CFTR: variants seen among roughly 807,000 people sequenced by gnomAD.
The protein encoded by CFTR is cystic fibrosis transmembrane conductance regulator.
CFTR carries 181 observed loss-of-function variants against 171.6 expected under a neutral mutation model. That is an observed-to-expected ratio of 1.05 (90% CI 0.93 to 1.19). The LOEUF (loss-of-function observed/expected upper bound fraction) is 1.19, where lower values mean the gene tolerates loss of function less well. Among genes scored for constraint, CFTR ranks in the 50% most tolerant of loss-of-function variants. CFTR has a pLI of 0.00. For missense variants in CFTR, 1,968 were observed against 1,734.7 expected (o/e 1.13, Z -2.39); for synonymous variants, 583 against 608.0 (o/e 0.96, Z 0.60).
At chr7:117,482,465 C>A (rs988997024) in intron 1 of CFTR, among the ~76,000 whole-genome samples, 5 of 152,032 alleles carry the variant, frequency 3.3e-5, no homozygotes, top group African/African-American at 1.2e-4. Flanking sequence ...TCTGAACTAT[C>A]ATAATCCATA....
At chr7:117,530,342 G>A (rs1798838596) in intron 3 of CFTR, among the ~76,000 whole-genome samples, 1 of 152,134 alleles carries the variant, frequency 6.6e-6, no homozygotes, top group African/African-American at 2.4e-5. Flanking sequence ...TTGTGTAGTT[G>A]CCTTGAGAAG....
rs1432359157 is a variant in CFTR, at chr7:117,667,021, C to T, written c.4356C>T (p.His1452=). 2 of 1,613,912 alleles carry T rather than the reference C, an allele frequency of 1.2e-6. No homozygotes were observed. Among genetic ancestry groups the T allele is most frequent in the African/African-American group, 1.3e-5 (1 of 74,902 alleles). ...SPSDRVKLFP[H]RNSSKCKSKP... Reference sequence around the variant, plus strand: ...CCGACAGGGTGAAGCTCTTTCCCCACCGGAACTCAAGCAAGTGCAAGTCTA... The same window carrying T: ...CCGACAGGGTGAAGCTCTTTCCCCATCGGAACTCAAGCAAGTGCAAGTCTA... The change falls in exon 27 of 27, where the codon CAC becomes CAT. Residue 1452 remains histidine, a synonymous_variant. Transcript: ENST00000003084.
At chr7:117,612,234 T>TACACACACACACACACACAC (rs112904263) in intron 20 of CFTR, among the ~76,000 whole-genome samples, 73 of 140,934 alleles carry the variant, frequency 5.2e-4, no homozygotes, top group African/African-American at 1.9e-3. Flanking sequence ...CATCCGCATT[T>TACACACACACACACACACAC]ACACACACAC....
In CFTR at chr7:117,540,284, C is replaced by G; in HGVS notation, c.1054C>G (p.Arg352Gly). Residue 352 changes from arginine (R) to glycine (G), a missense_variant, in exon 8 of 27, where the codon CGG becomes GGG. Physicochemically the swap from Arg to Gly is moderately radical, Grantham distance 125. Transcript: ENST00000003084. ...FCIVLRMAVT[R>G]QFPWAVQTWY... ...CATTGTTCTGCGCATGGCGGTCACT[C>G]GGCAATTTCCCTGGGCTGTACAAAC... 1 of 1,613,830 alleles carries G rather than the reference C, an allele frequency of 6.2e-7. No homozygotes were observed. The highest frequency in any genetic ancestry group is 8.5e-7 in the Non-Finnish European group (1 of 1,179,806).
At chr7:117,612,029 A>ATATATATATATATATG (rs1792404945) in intron 20 of CFTR, among the ~76,000 whole-genome samples, 1 of 73,996 alleles carries the variant, frequency 1.4e-5, no homozygotes, top group African/African-American at 5.8e-5. Flanking sequence ...ATATGTATAT[A>ATATATATATATATATG]TATATATATA....
chr7:117,550,342 A>C (rs575166534), intron 10 of CFTR, among the ~76,000 whole-genome samples: 3 of 152,122 alleles, frequency 2.0e-5, no homozygotes, highest in African/African-American at 7.2e-5. Flanking sequence ...AAAAAAAAAA[A>C]ATTGGTGTTT....
At chr7:117,650,205 G>A (rs1417518488) in intron 23 of CFTR, among the ~76,000 whole-genome samples, 2 of 152,142 alleles carry the variant, frequency 1.3e-5, no homozygotes, top group South Asian at 2.1e-4. Flanking sequence ...TGCTGAATGC[G>A]AATGGATGGG....
chr7:117,495,239 T>C (rs192561615), intron 1 of CFTR, among the ~76,000 whole-genome samples: 2 of 152,258 alleles, frequency 1.3e-5, no homozygotes, highest in African/African-American at 2.4e-5. Flanking sequence ...CCAGCTACAG[T>C]TTTGTGGCTC....
At position 117,583,321 on chromosome 7, in the gene CFTR, C is replaced by T. The variant is rs538696390; in HGVS notation, c.1585-4418C>T. On this transcript the variant is annotated intron_variant, in intron 11 of 26. Coordinates refer to ENST00000003084, the MANE Select transcript of CFTR (RefSeq NM_000492.4). ...CCAATATGTAGTCTTTTATCCCCCC[C>T]CCGCTCCACCCTTCCTTTATCGTCC... Among the ~76,000 whole-genome samples, 381 of 152,098 alleles carry T rather than the reference C, an allele frequency of 2.5e-3. 3 individuals are homozygous for T. Among genetic ancestry groups the T allele is most frequent in the African/African-American group, 8.4e-3 (350 of 41,508 alleles).
At chr7:117,659,711 A>T (rs1419130880) in intron 24 of CFTR, among the ~76,000 whole-genome samples, 1 of 152,214 alleles carries the variant, frequency 6.6e-6, no homozygotes, top group Non-Finnish European at 1.5e-5. Flanking sequence ...TTCAATACTT[A>T]TAAAATAGTT....
chr7:117,568,689 T>C (rs973798742), intron 11 of CFTR, among the ~76,000 whole-genome samples: 1 of 152,226 alleles, frequency 6.6e-6, no homozygotes, highest in Non-Finnish European at 1.5e-5. Context: ...GTGAAATGAC[T>C]GCCATAGTCA....
intron 10 of CFTR, among the ~76,000 whole-genome samples, chr7:117,558,633 A>G (rs1479887056): frequency 6.6e-6 from 1 of 151,948 alleles, no homozygotes; most frequent in Non-Finnish European, 1.5e-5. Context: ...CCTTCTACTC[A>G]GTTTTAGTCA....
chr7:117,658,751 G>A (rs1018818173), intron 24 of CFTR, among the ~76,000 whole-genome samples: 3 of 151,996 alleles, frequency 2.0e-5, no homozygotes, highest in Non-Finnish European at 4.4e-5. Flanking sequence ...CTGTCCCTGG[G>A]GAGTATCTGA....
At chr7:117,559,113 T>C (rs140834957) in intron 10 of CFTR, among the ~76,000 whole-genome samples, 5 of 152,346 alleles carry the variant, frequency 3.3e-5, no homozygotes, top group African/African-American at 4.8e-5. Context: ...TTAAAGCACA[T>C]AGAACAGCAC....
chr7:117,601,190 T>G (rs1206058053), intron 15 of CFTR, among the ~76,000 whole-genome samples: 2 of 152,098 alleles, frequency 1.3e-5, no homozygotes, highest in Non-Finnish European at 2.9e-5. Context: ...TGACTTAGAA[T>G]GTACACCCTT....
chr7:117,561,766 G>C (rs1012274113), intron 11 of CFTR, among the ~76,000 whole-genome samples: 1 of 152,064 alleles, frequency 6.6e-6, no homozygotes, highest in Non-Finnish European at 1.5e-5. Context: ...ATAACAAATC[G>C]AATTAGTGAT....
At chr7:117,486,068 A>G (rs1049367139) in intron 1 of CFTR, among the ~76,000 whole-genome samples, 3 of 152,134 alleles carry the variant, frequency 2.0e-5, no homozygotes, top group Admixed American at 6.6e-5. Flanking sequence ...CAATTATTCC[A>G]TCGAAGTTTT....
intron 7 of CFTR, 80 bp downstream of exon 7, chr7:117,536,753 C>G (rs1798966135): frequency 8.6e-7 from 1 of 1,163,162 alleles, no homozygotes; most frequent in African/African-American, 1.5e-5. Context: ...TGGTAGACTT[C>G]CACCTCATAT....
At chr7:117,516,386 A>G (rs893570412) in intron 3 of CFTR, among the ~76,000 whole-genome samples, 3 of 152,168 alleles carry the variant, frequency 2.0e-5, no homozygotes, top group African/African-American at 7.2e-5. Context: ...AGTACAGTAT[A>G]CCATCTTTAC....
Sources: allele counts gnomAD v4.1 joint callset (sites outside exome capture counted in the v4.1 genomes callset), GRCh38; gene constraint gnomAD v4.1.1; transcripts MANE v1.5; gene names NCBI Gene and HGNC (gene_info 2026-07-23, HGNC 2026-07-21).